IQSEC2: variants seen among roughly 807,000 people sequenced by gnomAD.
The protein encoded by IQSEC2 is IQ motif and Sec7 domain ArfGEF 2.
IQSEC2 carries 6 observed loss-of-function variants against 74.6 expected under a neutral mutation model. That is an observed-to-expected ratio of 0.08 (90% CI 0.04 to 0.16). IQSEC2 has a LOEUF of 0.16. IQSEC2 is among the 10% of genes least tolerant of loss of function. The pLI, the probability that IQSEC2 is intolerant of heterozygous loss-of-function variation, is 1.00. For synonymous variants in IQSEC2, 494 were observed against 544.5 expected (o/e 0.91, Z 1.29); for missense variants, 734 against 1,306.2 (o/e 0.56, Z 6.75).
chrX:53,263,802 C>G (rs782431252), intron 2 of IQSEC2, among the ~76,000 whole-genome samples: 1 of 111,963 alleles, frequency 8.9e-6, no homozygotes, highest in South Asian at 3.8e-4. Flanking sequence ...CACAGTCAGT[C>G]TTTCTTCCTG....
At chrX:53,317,159 G>T (rs75309218) in intron 1 of IQSEC2, among the ~76,000 whole-genome samples, 2 of 111,627 alleles carry the variant, frequency 1.8e-5, no homozygotes, top group African/African-American at 3.3e-5. Context: ...AACCAGGCTT[G>T]GGGGGGTATG....
chrX:53,234,405 T>C lies in IQSEC2; in HGVS notation c.4281A>G (p.Pro1427=), dbSNP rs1556859008. Residue 1427 remains proline, a synonymous_variant, in exon 15 of 15, where the codon CCA becomes CCG. Transcript: ENST00000642864. ...HPHHPQSPLS[P]HSPIPPHPSY... ...AGGGGTGGGGTGGGATGGGTGAGTG[T>C]GGTGACAATGGTGACTGGGGGTGGT... is the stretch of plus-strand genomic sequence containing the variant. 5.4e-6 allele frequency: 3 copies of C among 550,902 alleles called. No homozygotes were observed. The Admixed American group carries it at 5.6e-4, about 102-fold the overall frequency. The allele number at this position is 550,902 out of a possible 1,213,427, so 45.4% of individuals were successfully genotyped here.
downstream of IQSEC2, chrX:53,226,583 C>A (rs2074039511): frequency 1.8e-5 from 2 of 112,312 alleles, no homozygotes; most frequent in African/African-American, 6.5e-5. Flanking sequence ...TATTAAACAT[C>A]CACTGTAAGC....
intron 2 of IQSEC2, among the ~76,000 whole-genome samples, chrX:53,264,392 C>T (rs1484089022): frequency 2.8e-5 from 3 of 105,798 alleles, no homozygotes; most frequent in African/African-American, 7.0e-5. Context: ...CAGTTGCCCA[C>T]GGGTCGGGAG....
rs1455523839 is a variant in IQSEC2 at position 53,250,812 on chromosome X, A to G, written c.1764T>C (p.Ala588=). 1 of 1,208,440 alleles carries G rather than the reference A, an allele frequency of 8.3e-7. No homozygotes were observed. Among genetic ancestry groups the G allele is most frequent in the African/African-American group, 1.7e-5 (1 of 57,928 alleles). The change falls in exon 5 of 15, where the codon GCT becomes GCC. Residue 588 remains alanine, a synonymous_variant. Coordinates refer to ENST00000642864, the MANE Select transcript of IQSEC2 (RefSeq NM_001111125.3). ...CLECRDFRLR[A]AHLPLLTIEP... ...CAATGGTAAGCAGGGGAAGGTGGGCAGCCCGCAGCCGGAAATCCCGGCACT... is the reference window on the plus strand; with the variant it reads ...CAATGGTAAGCAGGGGAAGGTGGGCGGCCCGCAGCCGGAAATCCCGGCACT...
At chrX:53,236,619 G>A (rs1201808295) in intron 12 of IQSEC2, 124 bp from the exon 13 acceptor site, 11 of 836,509 alleles carry the variant, frequency 1.3e-5, no homozygotes, top group Non-Finnish European at 1.4e-5. Flanking sequence ...TCTGTCCCCA[G>A]GCTTCGTGTT....
chrX:53,240,936 A>G (rs1251244740), intron 10 of IQSEC2, among the ~76,000 whole-genome samples: 1 of 109,385 alleles, frequency 9.1e-6, no homozygotes, highest in Non-Finnish European at 1.9e-5. Flanking sequence ...CACTGCGCCC[A>G]GCTAATTTCT....
At chrX:53,286,504 T>G (rs1556871775) in intron 2 of IQSEC2, among the ~76,000 whole-genome samples, 2 of 111,713 alleles carry the variant, frequency 1.8e-5, no homozygotes, top group African/African-American at 6.5e-5. Context: ...TGCCTTGTGT[T>G]ACCACAGGCT....
intron 1 of IQSEC2, among the ~76,000 whole-genome samples, chrX:53,303,366 T>C (rs1318764747): frequency 1.8e-5 from 2 of 111,190 alleles, no homozygotes; most frequent in African/African-American, 6.5e-5. Context: ...GCTGTAGCCT[T>C]ACCCAAAGGA....
Position 53,234,547 on chromosome X carries a change from G to A in IQSEC2, c.4139C>T (p.Ala1380Val). Residue 1380 changes from alanine (A) to valine (V), a missense_variant, in exon 15 of 15, where the codon GCC becomes GTC. By Grantham distance (64) the Ala-to-Val change is moderately conservative. Around this residue, in one of 12 missense-constraint regions of IQSEC2, gnomAD observed 249 missense variants for 467.9 expected, o/e 0.53. Transcript: ENST00000642864. ...GAAGTGCTTAGGGCCCTGTTTGTGG[G>A]CTGGAGGGTGCTGGGGGGCAGGACT... ...LYSPAPQHPP[A>V]HKQGPKHFIF... 9.0e-7 allele frequency: 1 copy of A among 1,107,207 alleles called. No individual in the cohort carries two copies. Among genetic ancestry groups the A allele is most frequent in the South Asian group, 2.3e-5 (1 of 43,435 alleles). 91.2% of individuals were successfully genotyped at this position (1,107,207 alleles called of 1,213,427 possible).
In IQSEC2 at chrX:53,234,585, T is replaced by C. The variant is rs1556859060; in HGVS notation, c.4101A>G (p.Pro1367=). ...GGGGGGCAGGACTGTACAGGGGCAG[T>C]GGGGATGTGGGCTGGTGCAGGGGGT... The part of the protein sequence containing the change: ...GRHPLHQPTS[P]LPLYSPAPQH... The change falls in exon 15 of 15, where the codon CCA becomes CCG. Residue 1367 remains proline, a synonymous_variant. Coordinates refer to ENST00000642864, the MANE Select transcript of IQSEC2 (RefSeq NM_001111125.3). The C allele has an allele frequency of 8.9e-7, 1 of 1,117,613 alleles. No homozygotes were observed. Among genetic ancestry groups the C allele is most frequent in the Non-Finnish European group, 1.2e-6 (1 of 847,969 alleles). 92.1% of individuals were successfully genotyped at this position (1,117,613 alleles called of 1,213,427 possible).
intron 1 of IQSEC2, among the ~76,000 whole-genome samples, chrX:53,299,918 T>A (rs781811784): frequency 1.6e-3 from 179 of 110,621 alleles, no homozygotes; most frequent in South Asian, 6.2e-3. Context: ...ACCTAGCCAA[T>A]CTTTTGTTTG....
chrX:53,268,345 C>G (rs899337769), intron 2 of IQSEC2, among the ~76,000 whole-genome samples: 3 of 111,366 alleles, frequency 2.7e-5, no homozygotes, highest in Non-Finnish European at 5.7e-5. Context: ...CACGCACGCA[C>G]ACGCCTTTCT....
rs1379707524 is a variant in IQSEC2, at chrX:53,257,839, T to A, written c.738-1778A>T. Among the ~76,000 whole-genome samples, 3 of 112,021 alleles carry A rather than the reference T, an allele frequency of 2.7e-5. No individual in the cohort carries two copies. The Admixed American group carries it at 2.8e-4, about 11-fold the overall frequency. On this transcript the variant is annotated intron_variant, in intron 2 of 14. Transcript: ENST00000642864. ...CGTATGAGGTAGGTACTGTAATTTA[T>A]CTTCATTTTACACATAAAGAAACTG...
At chrX:53,281,172 G>A (rs1399871940) in intron 2 of IQSEC2, among the ~76,000 whole-genome samples, 2 of 112,604 alleles carry the variant, frequency 1.8e-5, no homozygotes, top group East Asian at 5.6e-4. Flanking sequence ...GAATGTTGGT[G>A]TTAGAATCTC....
chrX:53,252,374 TAA>T (rs56333530), intron 4 of IQSEC2, among the ~76,000 whole-genome samples: 168 of 98,310 alleles, frequency 1.7e-3, no homozygotes, highest in South Asian at 5.5e-3. Flanking sequence ...AAAAATTTAT[TAA>T]AAAAAAAAAA....
rs1556859744 is a variant in IQSEC2, at chrX:53,236,495, G to A, written c.3278C>T (p.Ser1093Leu). 1.7e-6 allele frequency: 2 copies of A among 1,192,853 alleles called. No homozygotes were observed. Among genetic ancestry groups the A allele is most frequent in the African/African-American group, 1.7e-5 (1 of 57,472 alleles). Residue 1093 changes from serine (S) to leucine (L), a missense_variant and splice_region_variant, in exon 13 of 15, where the codon TCG becomes TTG. Physicochemically the swap from Ser to Leu is moderately radical, Grantham distance 145. Coordinates refer to ENST00000642864, the MANE Select transcript of IQSEC2 (RefSeq NM_001111125.3). ...CATACCTTTCTGCTTCTCCAGCTCC[G>A]CTGGGTGGCAGTCGGGGAGACAGGG... is the stretch of plus-strand genomic sequence containing the variant. ...VQEMEKYRVE[S>L]ELEKQKGMMR...
chrX:53,255,977 C>G lies in IQSEC2; in HGVS notation c.822G>C (p.Leu274=), dbSNP rs781891516. ...GSQPPYRLSQ[L]PPSSSHMGGP... Reference sequence around the variant, plus strand: ...CCCCCATGTGGCTGCTGGAGGGGGGCAGCTGGCTCAGCCGGTAGGGGGGTT... The same window carrying G: ...CCCCCATGTGGCTGCTGGAGGGGGGGAGCTGGCTCAGCCGGTAGGGGGGTT... The change falls in exon 3 of 15, where the codon CTG becomes CTC. Residue 274 remains leucine, a synonymous_variant. Transcript: ENST00000642864. 8.4e-7 allele frequency: 1 copy of G among 1,188,456 alleles called. No individual in the cohort carries two copies. The highest frequency in any genetic ancestry group is 1.1e-6 in the Non-Finnish European group (1 of 881,787).
At position 53,241,868 on chromosome X, in the gene IQSEC2, C is replaced by T. The variant is rs140023181; in HGVS notation, c.2931G>A (p.Gln977=). 1.4e-5 allele frequency: 17 copies of T among 1,208,925 alleles called. No individual in the cohort carries two copies. The African/African-American group carries it at 3.0e-4, about 21-fold the overall frequency. ...GGTTTGGATCTGGCACCTCGTAGAGCTGGCAGCAGCAAACCAGTCGACGGT... is the reference window on the plus strand; with the variant it reads ...GGTTTGGATCTGGCACCTCGTAGAGTTGGCAGCAGCAAACCAGTCGACGGT... ...LPHRRLVCCC[Q]LYEVPDPNRP... is the part of the protein sequence containing the mutation. The change falls in exon 10 of 15, where the codon CAG becomes CAA. Residue 977 remains glutamine, a synonymous_variant. Coordinates refer to ENST00000642864, the MANE Select transcript of IQSEC2 (RefSeq NM_001111125.3).
Sources: allele counts gnomAD v4.1 joint callset (sites outside exome capture counted in the v4.1 genomes callset), GRCh38; gene constraint gnomAD v4.1.1; regional missense constraint gnomAD v4.1.1; transcripts MANE v1.5; gene names NCBI Gene and HGNC (gene_info 2026-07-23, HGNC 2026-07-21).